Variants in ADGRL2 observed in about 807,000 individuals in gnomAD.
ADGRL2 encodes adhesion G protein-coupled receptor L2.
Under a neutral mutation model 157.4 loss-of-function variants are expected in ADGRL2, and 44 were observed. The ratio of observed to expected loss-of-function variants is 0.28; its 90% CI spans 0.22 to 0.36. The LOEUF is 0.36. Among genes scored for constraint, ADGRL2 ranks in the 10% least tolerant of loss-of-function variants. The pLI, the probability that ADGRL2 is intolerant of heterozygous loss-of-function variation, is 1.00. For synonymous variants in ADGRL2, 585 were observed against 624.7 expected (o/e 0.94, Z 0.95); for missense variants, 1,510 against 1,768.9 (o/e 0.85, Z 2.63).
intron 2 of ADGRL2, among the ~76,000 whole-genome samples, chr1:81,479,320 A>C (rs2078336985): frequency 6.9e-6 from 1 of 145,652 alleles, no homozygotes. Context: ...TAAAAATACA[A>C]AAAAAAAAAA....
intron 2 of ADGRL2, among the ~76,000 whole-genome samples, chr1:81,505,453 T>C (rs2078952601): frequency 6.6e-6 from 1 of 150,736 alleles, no homozygotes; most frequent in Admixed American, 6.6e-5. Flanking sequence ...TTTCCGGTCA[T>C]TGGATCCTCT....
In ADGRL2 at chr1:81,969,293, A is replaced by G. The variant is rs759301278; in HGVS notation, c.2639A>G (p.Gln880Arg). ...IFTFCFFRGL[Q>R]SDRNTIHKNL... ...ACCTTCTGCTTTTTCCGTGGCCTAC[A>G]GAGTGACCGAAATACTATTCACAAG... Residue 880 changes from glutamine to arginine, a missense_variant, in exon 15 of 24, where the codon CAG (glutamine) becomes CGG (arginine). Physicochemically the swap from Gln to Arg is conservative, Grantham distance 43. Coordinates refer to ENST00000686636, the MANE Select transcript of ADGRL2 (RefSeq NM_001366006.2). The G allele has an allele frequency of 1.9e-6, 3 of 1,614,016 alleles. No homozygotes were observed. The highest frequency in any genetic ancestry group is 2.5e-6 in the Non-Finnish European group (3 of 1,179,898).
chr1:81,829,036 C>T (rs1401896344), intron 1 of ADGRL2, among the ~76,000 whole-genome samples: 2 of 151,942 alleles, frequency 1.3e-5, no homozygotes, highest in African/African-American at 2.4e-5. Context: ...CTCAGCCTCC[C>T]GAGTAGCTGG....
At position 81,984,706 on chromosome 1, in the gene ADGRL2, A is replaced by T. The variant is rs370572677; in HGVS notation, c.3406A>T (p.Thr1136Ser). The stretch of plus-strand genomic sequence containing the variant: ...AACCAGTGCTCGCTATTCCTCTGGC[A>T]CACAGGTAACAAAGAGTTTGACAGC... ...TRTSARYSSGTQSRIRRMWND... is the reference protein window; with the variant it reads ...TRTSARYSSGSQSRIRRMWND... Residue 1136 changes from threonine (T) to serine (S), a missense_variant, in exon 20 of 24, where the codon ACA becomes TCA. Around this residue, in one of 4 missense-constraint regions of ADGRL2, gnomAD observed 497 missense variants for 627.2 expected, o/e 0.79. Coordinates refer to ENST00000686636, the MANE Select transcript of ADGRL2 (RefSeq NM_001366006.2). 1.9e-6 allele frequency: 3 copies of T among 1,612,564 alleles called. No individual in the cohort carries two copies. The highest frequency in any genetic ancestry group is 3.3e-5 in the Admixed American group (2 of 59,900).
intron 2 of ADGRL2, among the ~76,000 whole-genome samples, chr1:81,770,914 C>T (rs1267777887): frequency 6.6e-6 from 1 of 151,984 alleles, no homozygotes; most frequent in Non-Finnish European, 1.5e-5. Flanking sequence ...CATAGAAGTA[C>T]AATTAATTTT....
At chr1:81,334,917 G>A (rs1375960464) in intron 1 of ADGRL2, among the ~76,000 whole-genome samples, 3 of 152,124 alleles carry the variant, frequency 2.0e-5, no homozygotes, top group Non-Finnish European at 4.4e-5. Context: ...AAGAAATAAA[G>A]GTGTAAAGGT....
upstream of ADGRL2, among the ~76,000 whole-genome samples, chr1:81,798,087 G>A (rs1279649695): frequency 6.6e-6 from 1 of 152,120 alleles, no homozygotes; most frequent in African/African-American, 2.4e-5. Flanking sequence ...CAGGGAATGC[G>A]TAACATACTC....
At chr1:81,971,957 G>A (rs764983041) in intron 17 of ADGRL2, 39 bp downstream of exon 17, 1 of 1,337,246 alleles carries the variant, frequency 7.5e-7, no homozygotes, top group South Asian at 1.2e-5. Context: ...TTAGCTTGCT[G>A]CTTTAGCAGT....
At chr1:81,426,109 G>A (rs772201855) in intron 1 of ADGRL2, among the ~76,000 whole-genome samples, 26 of 152,126 alleles carry the variant, frequency 1.7e-4, no homozygotes, top group Non-Finnish European at 2.9e-4. Context: ...GGAAAACAGC[G>A]TATTTTTATG....
intron 2 of ADGRL2, among the ~76,000 whole-genome samples, chr1:81,460,961 C>T (rs759143097): frequency 6.6e-5 from 10 of 152,146 alleles, no homozygotes; most frequent in Non-Finnish European, 1.3e-4. Flanking sequence ...AGATGTATGA[C>T]GGCATATGGT....
chr1:81,702,392 A>G (rs190002014), intron 1 of ADGRL2, among the ~76,000 whole-genome samples: 56 of 152,314 alleles, frequency 3.7e-4, no homozygotes, highest in African/African-American at 1.3e-3. Flanking sequence ...ACACTCATAC[A>G]TACCACCTAA....
chr1:81,549,732 C>A (rs746836064), intron 2 of ADGRL2, among the ~76,000 whole-genome samples: 45 of 152,074 alleles, frequency 3.0e-4, no homozygotes, highest in Non-Finnish European at 5.0e-4. Context: ...CTGTAGAGGG[C>A]ACTAAGGTAC....
intron 3 of ADGRL2, among the ~76,000 whole-genome samples, chr1:81,666,812 G>T (rs1351919798): frequency 1.3e-5 from 2 of 152,178 alleles, no homozygotes. Flanking sequence ...CTAACCATTG[G>T]CCTTATGGTC....
intron 2 of ADGRL2, among the ~76,000 whole-genome samples, chr1:81,561,060 T>C (rs916716912): frequency 3.7e-4 from 56 of 152,282 alleles, no homozygotes; most frequent in African/African-American, 1.3e-3. Context: ...TCAAAGGTCA[T>C]GTTCTCAGCT....
chr1:81,897,623 T>C (rs1030834093), intron 2 of ADGRL2, among the ~76,000 whole-genome samples: 1 of 152,182 alleles, frequency 6.6e-6, no homozygotes, highest in African/African-American at 2.4e-5. Flanking sequence ...TTTTCAGAAG[T>C]AGTAGTATTT....
intron 1 of ADGRL2, among the ~76,000 whole-genome samples, chr1:81,708,639 C>CATAT (rs144706739): frequency 0.19 from 27,820 of 147,966 alleles, 2,868 homozygotes; most frequent in Admixed American, 0.29. Context: ...TTAAAATTTA[C>CATAT]ATATATATAT....
chr1:81,405,815 C>T (rs1483349351), intron 1 of ADGRL2, among the ~76,000 whole-genome samples: 1 of 151,904 alleles, frequency 6.6e-6, no homozygotes, highest in African/African-American at 2.4e-5. Flanking sequence ...ATAAATATGA[C>T]ATGTAAAGGA....
Position 81,319,545 on chromosome 1 carries a change from C to A in ADGRL2, c.-302+13036C>A, listed in dbSNP as rs368950908. ...AATGGGTCAAACCTGTCTTTGAGAA[C>A]AGCATTTCTACAAAGCTGCTCAGAG... is the stretch of plus-strand genomic sequence containing the variant. On this transcript the variant is annotated intron_variant, in intron 1 of 24. Coordinates refer to the ADGRL2 transcript ENST00000370721. Among the ~76,000 whole-genome samples, 8 of 152,270 alleles carry A rather than the reference C, an allele frequency of 5.3e-5. No homozygotes were observed. In the East Asian group the frequency reaches 1.5e-3, roughly 29 times the overall value.
chr1:81,386,180 TA>T (rs2076431770), intron 1 of ADGRL2, among the ~76,000 whole-genome samples: 1 of 152,186 alleles, frequency 6.6e-6, no homozygotes, highest in Non-Finnish European at 1.5e-5. Context: ...AAAGGTAATC[TA>T]ATGACATGTC....
Sources: gnomAD v4.1 joint callset for allele counts (sites outside exome capture counted in the v4.1 genomes callset) on GRCh38, gnomAD v4.1.1 for gene constraint, gnomAD v4.1.1 regional missense constraint, MANE v1.5 for transcripts, NCBI Gene and HGNC (gene_info 2026-07-23, HGNC 2026-07-21) for gene names.